The following HIBADH variants were observed in gnomAD, a reference collection of about 807,000 sequenced individuals.
HIBADH encodes 3-hydroxyisobutyrate dehydrogenase.
Under a neutral mutation model 36.1 loss-of-function variants are expected in HIBADH, and 25 were observed. That is an observed-to-expected ratio of 0.69 (90% CI 0.50 to 0.97). The LOEUF (loss-of-function observed/expected upper bound fraction) is 0.97. Among genes scored for constraint, HIBADH ranks in the 50% least tolerant of loss-of-function variants. The pLI is 0.00. For missense variants in HIBADH, 421 were observed against 418.0 expected, an observed-to-expected ratio of 1.01 and a Z score of -0.06; for synonymous variants, 160 against 149.5, an observed-to-expected ratio of 1.07 and a Z score of -0.51.
chr7:27,604,965 A>G (rs536076797), intron 4 of HIBADH, among the ~76,000 whole-genome samples: 48 of 152,288 alleles, frequency 3.2e-4, no homozygotes, highest in African/African-American at 1.0e-3. Flanking sequence ...TTTTTGCTAA[A>G]TGATCAAAGC....
intron 4 of HIBADH, among the ~76,000 whole-genome samples, chr7:27,622,984 C>A (rs1461263214): frequency 6.6e-6 from 1 of 152,104 alleles, no homozygotes; most frequent in Non-Finnish European, 1.5e-5. Context: ...GGCCTATATA[C>A]CTGATGAACA....
At chr7:27,636,576 C>T (rs1785845315) in intron 2 of HIBADH, among the ~76,000 whole-genome samples, 1 of 152,260 alleles carries the variant, frequency 6.6e-6, no homozygotes, top group East Asian at 1.9e-4. Flanking sequence ...ACATGTTCAG[C>T]CTTACAACTC....
intron 4 of HIBADH, among the ~76,000 whole-genome samples, chr7:27,599,990 G>C (rs1015265): frequency 6.6e-6 from 1 of 152,150 alleles, no homozygotes; most frequent in Non-Finnish European, 1.5e-5. Context: ...TATGGAAGAA[G>C]TAACAGAGAT....
chr7:27,539,553 A>C (rs1015787417), intron 5 of HIBADH, among the ~76,000 whole-genome samples: 2 of 152,152 alleles, frequency 1.3e-5, no homozygotes, highest in Non-Finnish European at 2.9e-5. Flanking sequence ...CAGTCACCTC[A>C]TACTTCTAAA....
At chr7:27,596,962 T>G (rs1785043816) in intron 4 of HIBADH, among the ~76,000 whole-genome samples, 1 of 152,192 alleles carries the variant, frequency 6.6e-6, no homozygotes, top group African/African-American at 2.4e-5. Context: ...TCCCATTTGT[T>G]TTTTAAAAAA....
At chr7:27,574,853 G>A (rs965796484) in intron 4 of HIBADH, among the ~76,000 whole-genome samples, 2 of 152,082 alleles carry the variant, frequency 1.3e-5, no homozygotes, top group African/African-American at 4.8e-5. Context: ...CATACAAAAT[G>A]AACATACCAT....
chr7:27,556,818 T>C (rs772936596), intron 4 of HIBADH, among the ~76,000 whole-genome samples: 2 of 152,166 alleles, frequency 1.3e-5, no homozygotes, highest in Non-Finnish European at 2.9e-5. Context: ...TTCTGATATT[T>C]ATGGAGTCCT....
intron 4 of HIBADH, among the ~76,000 whole-genome samples, chr7:27,610,111 G>A (rs930264690): frequency 6.6e-6 from 1 of 152,018 alleles, no homozygotes; most frequent in Non-Finnish European, 1.5e-5. Flanking sequence ...GAGCCATCAC[G>A]CCTGGCCAAA....
At chr7:27,542,353 T>G (rs756893291) in intron 5 of HIBADH, among the ~76,000 whole-genome samples, 7 of 151,580 alleles carry the variant, frequency 4.6e-5, no homozygotes, top group Non-Finnish European at 8.8e-5. Context: ...AACAAGCACT[T>G]CGAATAAGAG....
intron 2 of HIBADH, among the ~76,000 whole-genome samples, chr7:27,643,480 T>C (rs1216503415): frequency 6.6e-6 from 1 of 152,198 alleles, no homozygotes; most frequent in African/African-American, 2.4e-5. Context: ...ACTTAATCCC[T>C]ATAACAAGTC....
chr7:27,629,566 G>A lies in HIBADH; in HGVS notation c.363-74C>T, dbSNP rs985528154. The A allele has an allele frequency of 3.8e-6, 4 of 1,058,768 alleles. No homozygotes were observed. In the African/African-American group the frequency reaches 6.5e-5, roughly 17 times the overall value. 65.6% of individuals were successfully genotyped at this position (1,058,768 alleles called of 1,614,324 possible). The stretch of plus-strand genomic sequence containing the variant: ...TTTCATGCAACTACCTACAGAATTA[G>A]AATCTGCTGAAAAGCTGCCATATAT... On this transcript the variant is annotated intron_variant, in intron 3 of 7. Coordinates refer to ENST00000265395, the MANE Select transcript of HIBADH (RefSeq NM_152740.4).
At chr7:27,583,852 T>C (rs1440507642) in intron 4 of HIBADH, among the ~76,000 whole-genome samples, 1 of 152,018 alleles carries the variant, frequency 6.6e-6, no homozygotes, top group African/African-American at 2.4e-5. Context: ...CATTTCTCAA[T>C]TGACTTAAAA....
intron 4 of HIBADH, among the ~76,000 whole-genome samples, chr7:27,585,263 GTA>G (rs1562631587): frequency 4.6e-4 from 22 of 48,018 alleles, no homozygotes; most frequent in African/African-American, 2.6e-3. Flanking sequence ...ACACACGTGT[GTA>G]TGTATGTGTA....
rs1446568503 is a variant in HIBADH at position 27,526,346 on chromosome 7, A to G, written c.879T>C (p.Ala293=). 2.2e-5 allele frequency: 36 copies of G among 1,612,956 alleles called. No individual in the cohort carries two copies. The highest frequency in any genetic ancestry group is 3.1e-5 in the Non-Finnish European group (36 of 1,179,516). ...GAAGGATTGGGCTCTTTGTGCTGGT[A>G]GCAGAGTCTTGTGCCAATCCCAGAT... ...AKDLGLAQDS[A]TSTKSPILLG... Residue 293 remains alanine (A), a synonymous_variant, in exon 8 of 8, where the codon GCT becomes GCC. Transcript: ENST00000265395.
At chr7:27,589,665 A>C (rs576702371) in intron 4 of HIBADH, among the ~76,000 whole-genome samples, 22 of 152,322 alleles carry the variant, frequency 1.4e-4, no homozygotes, top group African/African-American at 4.3e-4. Flanking sequence ...GGTAGAAACT[A>C]AAAGGAAAAC....
chr7:27,568,904 CCT>C (rs1491313468), intron 4 of HIBADH, among the ~76,000 whole-genome samples: 1 of 61,438 alleles, frequency 1.6e-5, no homozygotes, highest in African/African-American at 1.0e-4. Context: ...CTTTCAGCCA[CCT>C]TTTTTTTTTT....
chr7:27,628,807 T>C (rs1785692761), intron 4 of HIBADH, among the ~76,000 whole-genome samples: 1 of 151,062 alleles, frequency 6.6e-6, no homozygotes, highest in Non-Finnish European at 1.5e-5. Context: ...TAAACCTATA[T>C]TTATTTTTTC....
intron 4 of HIBADH, among the ~76,000 whole-genome samples, chr7:27,623,849 G>A (rs1266507945): frequency 6.6e-6 from 1 of 152,174 alleles, no homozygotes; most frequent in Non-Finnish European, 1.5e-5. Context: ...CCAGGCTGGA[G>A]TGCAATGGTG....
chr7:27,591,762 T>C (rs1784944030), intron 4 of HIBADH, among the ~76,000 whole-genome samples: 1 of 152,244 alleles, frequency 6.6e-6, no homozygotes, highest in African/African-American at 2.4e-5. Flanking sequence ...ATTTACTTGT[T>C]AACCTAGGTA....
Sources: gnomAD v4.1 joint callset for allele counts (sites outside exome capture counted in the v4.1 genomes callset) on GRCh38, gnomAD v4.1.1 for gene constraint, MANE v1.5 for transcripts, NCBI Gene and HGNC (gene_info 2026-07-23, HGNC 2026-07-21) for gene names.